ARHGAP24: variants seen among roughly 807,000 people sequenced by gnomAD.
The protein encoded by ARHGAP24 is Rho GTPase activating protein 24.
A neutral mutation model predicts 76.4 loss-of-function variants in ARHGAP24; 50 were observed. That is an observed-to-expected ratio of 0.65 (90% CI 0.52 to 0.83). ARHGAP24 has a LOEUF of 0.83. Among genes scored for constraint, ARHGAP24 ranks in the 40% least tolerant of loss-of-function variants. ARHGAP24 has a pLI of 0.00. For synonymous variants in ARHGAP24, 345 were observed against 323.3 expected (o/e 1.07, Z -0.72); for missense variants, 930 against 914.2 (o/e 1.02, Z -0.22).
At chr4:85,675,010 C>T (rs1722929441) in intron 2 of ARHGAP24, among the ~76,000 whole-genome samples, 1 of 152,136 alleles carries the variant, frequency 6.6e-6, no homozygotes, top group South Asian at 2.1e-4. Flanking sequence ...GAAAACTTGT[C>T]ATGGAGCTTA....
intron 2 of ARHGAP24, among the ~76,000 whole-genome samples, chr4:85,621,626 G>A (rs1003448920): frequency 2.7e-5 from 4 of 150,800 alleles, no homozygotes; most frequent in Admixed American, 2.0e-4. Flanking sequence ...TTTTTTTCTT[G>A]TTGATTTATT....
intron 1 of ARHGAP24, among the ~76,000 whole-genome samples, chr4:85,544,755 A>T: frequency 6.6e-6 from 1 of 152,164 alleles, no homozygotes; most frequent in African/African-American, 2.4e-5. Flanking sequence ...TGAGTCAGAC[A>T]TGTTAAAATA....
intron 3 of ARHGAP24, among the ~76,000 whole-genome samples, chr4:85,913,451 T>C (rs1433550377): frequency 6.6e-6 from 1 of 152,076 alleles, no homozygotes; most frequent in African/African-American, 2.4e-5. Flanking sequence ...TCTCCATTTT[T>C]ATTCAGCCTC....
intron 1 of ARHGAP24, among the ~76,000 whole-genome samples, chr4:85,558,900 G>A (rs1447371421): frequency 6.6e-6 from 1 of 152,168 alleles, no homozygotes; most frequent in African/African-American, 2.4e-5. Context: ...TAAATAGCTG[G>A]CCCCACTGAG....
At chr4:85,692,534 T>G (rs997192639) in intron 2 of ARHGAP24, among the ~76,000 whole-genome samples, 7 of 152,224 alleles carry the variant, frequency 4.6e-5, no homozygotes, top group African/African-American at 1.7e-4. Flanking sequence ...CAATTTTTTT[T>G]TCTTTATTTT....
chr4:85,521,110 G>A (rs1056942266), intron 1 of ARHGAP24, among the ~76,000 whole-genome samples: 3 of 152,128 alleles, frequency 2.0e-5, no homozygotes, highest in African/African-American at 4.8e-5. Context: ...AGGATGAATT[G>A]GAGGCACAAG....
At chr4:85,809,600 A>G (rs1181925954) in intron 3 of ARHGAP24, among the ~76,000 whole-genome samples, 8 of 152,186 alleles carry the variant, frequency 5.3e-5, no homozygotes, top group African/African-American at 1.2e-4. Flanking sequence ...AGGACCTTCA[A>G]TGCTTAGTTC....
At chr4:85,490,110 G>T (rs1227133858) in intron 1 of ARHGAP24, among the ~76,000 whole-genome samples, 1 of 152,144 alleles carries the variant, frequency 6.6e-6, no homozygotes, top group Non-Finnish European at 1.5e-5. Flanking sequence ...CCTGGAGGGG[G>T]CAGAAATGGG....
chr4:85,567,200 G>T (rs59605111), intron 1 of ARHGAP24, among the ~76,000 whole-genome samples: 8,042 of 152,130 alleles, frequency 0.053, 672 homozygotes, highest in African/African-American at 0.18. Flanking sequence ...TTAAAAGCTC[G>T]CTTTGGCTGC....
chr4:85,941,950 A>T, intron 4 of ARHGAP24, 116 bp from the exon 5 acceptor site: 2 of 999,442 alleles, frequency 2.0e-6, no homozygotes, highest in Non-Finnish European at 1.5e-6. Context: ...ACTGAATGTT[A>T]AGTGCTTGCT....
chr4:85,899,511 T>C (rs1382565370), intron 3 of ARHGAP24, among the ~76,000 whole-genome samples: 4 of 152,222 alleles, frequency 2.6e-5, no homozygotes, highest in Non-Finnish European at 5.9e-5. Flanking sequence ...GGTAGATACA[T>C]TATTTTAATA....
At chr4:85,947,925 C>T (rs1249582078) in intron 5 of ARHGAP24, among the ~76,000 whole-genome samples, 1 of 151,954 alleles carries the variant, frequency 6.6e-6, no homozygotes, top group East Asian at 1.9e-4. Context: ...TGATTAAAAC[C>T]ATGCCTTTTA....
At chr4:85,553,419 C>T (rs1264056863) in intron 1 of ARHGAP24, among the ~76,000 whole-genome samples, 2 of 152,016 alleles carry the variant, frequency 1.3e-5, no homozygotes, top group African/African-American at 2.4e-5. Context: ...CTGATTGGTC[C>T]GTTTTACAGA....
At chr4:85,826,618 A>C (rs1440745621) in intron 3 of ARHGAP24, among the ~76,000 whole-genome samples, 1 of 152,184 alleles carries the variant, frequency 6.6e-6, no homozygotes, top group African/African-American at 2.4e-5. Flanking sequence ...GGGAAATAAG[A>C]GGGAGGAAAT....
intron 3 of ARHGAP24, among the ~76,000 whole-genome samples, chr4:85,778,358 A>G (rs984186088): frequency 6.6e-6 from 1 of 152,224 alleles, no homozygotes; most frequent in African/African-American, 2.4e-5. Flanking sequence ...TCCTTTGCTT[A>G]TTATGCAAGG....
rs140345140 is a variant in ARHGAP24 at position 85,939,717 on chromosome 4, C to T, written c.392-2349C>T. On this transcript the variant is annotated intron_variant, in intron 4 of 9. Transcript: ENST00000395184. Reference sequence around the variant, plus strand: ...TGGGTTGTTGGGGAAAAAAAAATCCCGAAAGCTTTGAGAAAAGAATGTTTG... The same window carrying T: ...TGGGTTGTTGGGGAAAAAAAAATCCTGAAAGCTTTGAGAAAAGAATGTTTG... 3.9e-3 allele frequency among the ~76,000 whole-genome samples: 595 copies of T among 152,084 alleles called. 7 individuals carry two copies. Among genetic ancestry groups the T allele is most frequent in the Admixed American group, 0.027 (415 of 15,258 alleles).
intron 1 of ARHGAP24, among the ~76,000 whole-genome samples, chr4:85,503,046 C>G (rs551431985): frequency 1.4e-3 from 210 of 152,250 alleles, no homozygotes; most frequent in African/African-American, 5.0e-3. Flanking sequence ...GTTGAACCAG[C>G]CTTGCATCCC....
In ARHGAP24 at chr4:85,564,407, C is replaced by A. The variant is rs574325663; in HGVS notation, c.-20-6115C>A. 3.4e-3 allele frequency among the ~76,000 whole-genome samples: 440 copies of A among 130,682 alleles called. 7 individuals are homozygous for A. The highest frequency in any genetic ancestry group is 0.011 in the African/African-American group (374 of 34,416). The allele number at this position is 130,682 out of a possible 152,430, so 85.7% of individuals were successfully genotyped here. On this transcript the variant is annotated intron_variant, in intron 1 of 9. Coordinates refer to ENST00000395184, the MANE Select transcript of ARHGAP24 (RefSeq NM_001025616.3). The stretch of plus-strand genomic sequence containing the variant: ...GGGGCCTGTTGTGGGGTGGGGGGAG[C>A]GGGGGGGATAGCATTAGGAGATATA...
chr4:85,620,971 C>T (rs1323171111), intron 2 of ARHGAP24, among the ~76,000 whole-genome samples: 2 of 151,898 alleles, frequency 1.3e-5, no homozygotes, highest in Non-Finnish European at 2.9e-5. Context: ...CTATTGTTTT[C>T]ATCTTTATGT....
Sources: allele counts gnomAD v4.1 joint callset (sites outside exome capture counted in the v4.1 genomes callset), GRCh38; gene constraint gnomAD v4.1.1; transcripts MANE v1.5; gene names NCBI Gene and HGNC (gene_info 2026-07-23, HGNC 2026-07-21).